The following DLG1 variants were observed in gnomAD, a reference collection of about 807,000 sequenced individuals.
DLG1 encodes the protein disks large homolog 1.
A neutral mutation model predicts 123.4 loss-of-function variants in DLG1; 42 were observed. That is an observed-to-expected ratio of 0.34 (90% CI 0.27 to 0.44). DLG1 has a LOEUF of 0.44. Ranked by LOEUF, DLG1 falls within the 20% of genes least tolerant of loss-of-function variation. The pLI, the probability that DLG1 is intolerant of heterozygous loss-of-function variation, is 1.00. For synonymous variants in DLG1, 317 were observed against 356.2 expected, an observed-to-expected ratio of 0.89 and a Z score of 1.24; for missense variants, 942 against 1,082.6, an observed-to-expected ratio of 0.87 and a Z score of 1.82.
At chr3:197,213,653 G>A (rs1471259567) in intron 4 of DLG1, among the ~76,000 whole-genome samples, 1 of 152,142 alleles carries the variant, frequency 6.6e-6, no homozygotes, top group Non-Finnish European at 1.5e-5. Flanking sequence ...CAACAAAAAT[G>A]AGAACTTGAA....
chr3:197,065,495 A>G (rs199877809), intron 21 of DLG1, 47 bp from the exon 22 acceptor site: 31 of 1,450,914 alleles, frequency 2.1e-5, no homozygotes, highest in Admixed American at 6.8e-5. Context: ...TAAAAAAAAA[A>G]CCACAATAAA....
intron 5 of DLG1, among the ~76,000 whole-genome samples, chr3:197,190,883 G>A (rs1326191381): frequency 1.3e-5 from 2 of 152,138 alleles, no homozygotes; most frequent in Non-Finnish European, 2.9e-5. Flanking sequence ...GGTGGCGGGC[G>A]CCTGTAGTCC....
At chr3:197,051,521 C>T in intron 24 of DLG1, 56 bp downstream of exon 24, 1 of 1,444,166 alleles carries the variant, frequency 6.9e-7, no homozygotes, top group Non-Finnish European at 9.7e-7. Context: ...GGTCGGTTCA[C>T]ATGGCTTCAA....
At chr3:197,239,732 G>C (rs902931740) in intron 4 of DLG1, among the ~76,000 whole-genome samples, 1 of 151,488 alleles carries the variant, frequency 6.6e-6, no homozygotes, top group Non-Finnish European at 1.5e-5. Flanking sequence ...AAGCAAGCTG[G>C]CTTCACTCCT....
chr3:197,219,428 T>C (rs999768125), intron 4 of DLG1, among the ~76,000 whole-genome samples: 1 of 152,244 alleles, frequency 6.6e-6, no homozygotes, highest in Non-Finnish European at 1.5e-5. Context: ...CAGTGAACTT[T>C]ATAAATAAAA....
chr3:197,092,178 C>T (rs1206374377), intron 14 of DLG1, among the ~76,000 whole-genome samples: 1 of 152,140 alleles, frequency 6.6e-6, no homozygotes. Context: ...AAACTATAGA[C>T]TGATGAATGG....
At chr3:197,296,273 A>C (rs184057166) in intron 3 of DLG1, 73 bp downstream of exon 3, 1 of 1,402,488 alleles carries the variant, frequency 7.1e-7, no homozygotes, top group African/African-American at 1.4e-5. Flanking sequence ...TCATTTTCTT[A>C]AGTTTAAAAT....
chr3:197,175,380 A>G (rs1806462069), intron 5 of DLG1, among the ~76,000 whole-genome samples: 1 of 152,208 alleles, frequency 6.6e-6, no homozygotes, highest in African/African-American at 2.4e-5. Flanking sequence ...TACTAAGTAA[A>G]ATTTTCATGA....
chr3:197,179,402 T>G (rs1808896347), intron 5 of DLG1, among the ~76,000 whole-genome samples: 1 of 152,174 alleles, frequency 6.6e-6, no homozygotes, highest in Non-Finnish European at 1.5e-5. Context: ...AAAGGCTCTT[T>G]GGGGCACCTC....
chr3:197,267,950 T>C (rs182322224), intron 4 of DLG1, among the ~76,000 whole-genome samples: 5 of 152,218 alleles, frequency 3.3e-5, no homozygotes, highest in African/African-American at 1.2e-4. Flanking sequence ...TATTCCATAA[T>C]GAAAAAGGAC....
At chr3:197,079,515 A>G (rs1435520367) in intron 17 of DLG1, among the ~76,000 whole-genome samples, 1 of 152,250 alleles carries the variant, frequency 6.6e-6, no homozygotes, top group East Asian at 1.9e-4. Context: ...TACAGTCAAC[A>G]AACAAGACTA....
intron 4 of DLG1, among the ~76,000 whole-genome samples, chr3:197,279,264 T>C (rs777660884): frequency 6.6e-6 from 1 of 152,204 alleles, no homozygotes; most frequent in Non-Finnish European, 1.5e-5. Context: ...TTTTAAAAAA[T>C]CATTATAAAT....
intron 4 of DLG1, among the ~76,000 whole-genome samples, chr3:197,201,386 AAAAC>A (rs761898128): frequency 1.4e-3 from 217 of 152,328 alleles, no homozygotes; most frequent in African/African-American, 4.9e-3. Context: ...TCCGTCTCAA[AAAAC>A]AAACAAACAA....
At chr3:197,213,023 A>G (rs986119372) in intron 4 of DLG1, among the ~76,000 whole-genome samples, 6 of 152,188 alleles carry the variant, frequency 3.9e-5, no homozygotes, top group African/African-American at 1.4e-4. Context: ...AAATGTGAAA[A>G]TAACCATTCT....
At chr3:197,109,485 T>C (rs945613421) in intron 13 of DLG1, among the ~76,000 whole-genome samples, 1 of 152,254 alleles carries the variant, frequency 6.6e-6, no homozygotes, top group Admixed American at 6.5e-5. Context: ...TTTGTAATTA[T>C]TGCTTTATTC....
intron 4 of DLG1, among the ~76,000 whole-genome samples, chr3:197,281,289 T>G (rs1769243513): frequency 6.6e-6 from 1 of 152,170 alleles, no homozygotes; most frequent in African/African-American, 2.4e-5. Context: ...TCCACCCGCC[T>G]TGGCCTCCCA....
At chr3:197,297,888 C>G (rs931397707) in intron 1 of DLG1, 57 of 985,004 alleles carry the variant, frequency 5.8e-5, no homozygotes, top group Non-Finnish European at 6.6e-5. Context: ...GCTCCACGTA[C>G]CCCCGCCCCG....
At chr3:197,202,123 C>T (rs964792838) in intron 4 of DLG1, among the ~76,000 whole-genome samples, 1 of 152,174 alleles carries the variant, frequency 6.6e-6, no homozygotes, top group Non-Finnish European at 1.5e-5. Context: ...CAAACCTGCA[C>T]TTGTACCCCA....
At chr3:197,103,693 A>T (rs1487315167) in intron 14 of DLG1, among the ~76,000 whole-genome samples, 2 of 150,654 alleles carry the variant, frequency 1.3e-5, no homozygotes, top group Non-Finnish European at 1.5e-5. Context: ...CTTAAGAAAG[A>T]CCAAGCAATG....
Sources: gnomAD v4.1 joint callset for allele counts (sites outside exome capture counted in the v4.1 genomes callset) on GRCh38, gnomAD v4.1.1 for gene constraint, MANE v1.5 for transcripts, NCBI Gene and HGNC (gene_info 2026-07-23, HGNC 2026-07-21) for gene names.